EXOC4: variants seen among roughly 807,000 people sequenced by gnomAD.
EXOC4 encodes exocyst complex component 4.
Under a neutral mutation model 107.2 loss-of-function variants are expected in EXOC4, and 71 were observed. That is an observed-to-expected ratio of 0.66 (90% CI 0.55 to 0.81). EXOC4 has a LOEUF of 0.81. Ranked by LOEUF, EXOC4 falls within the 30% of genes least tolerant of loss-of-function variation. The pLI is 0.00. For synonymous variants in EXOC4, 456 were observed against 441.2 expected, an observed-to-expected ratio of 1.03 and a Z score of -0.42; for missense variants, 1,108 against 1,189.6, an observed-to-expected ratio of 0.93 and a Z score of 1.01.
At chr7:133,658,010 G>C (rs1429188620) in intron 10 of EXOC4, among the ~76,000 whole-genome samples, 1 of 152,130 alleles carries the variant, frequency 6.6e-6, no homozygotes, top group Non-Finnish European at 1.5e-5. Flanking sequence ...GGTACCAAAA[G>C]GATGGGAGAG....
chr7:133,981,106 T>C (rs1206349379), intron 14 of EXOC4, among the ~76,000 whole-genome samples: 1 of 152,198 alleles, frequency 6.6e-6, no homozygotes, highest in Non-Finnish European at 1.5e-5. Flanking sequence ...ATGTGTCAAC[T>C]AGTTAATTCT....
the EXOC4 span, among the ~76,000 whole-genome samples, chr7:134,086,677 G>A: frequency 6.6e-6 from 1 of 152,110 alleles, no homozygotes; most frequent in Non-Finnish European, 1.5e-5. Context: ...CCCCAAGAGA[G>A]GGTTCTTGGG....
At chr7:133,700,643 A>G (rs967006759) in intron 10 of EXOC4, among the ~76,000 whole-genome samples, 4 of 152,208 alleles carry the variant, frequency 2.6e-5, no homozygotes, top group Admixed American at 6.5e-5. Flanking sequence ...TGTATATGTC[A>G]GATCATACTA....
chr7:133,929,494 A>G (rs1216365157), intron 13 of EXOC4, among the ~76,000 whole-genome samples: 1 of 151,926 alleles, frequency 6.6e-6, no homozygotes, highest in African/African-American at 2.4e-5. Context: ...AAAATGGATC[A>G]TCTTAAGCCA....
chr7:134,047,575 G>A (rs1185056463), intron 17 of EXOC4, among the ~76,000 whole-genome samples: 1 of 151,918 alleles, frequency 6.6e-6, no homozygotes, highest in Non-Finnish European at 1.5e-5. Context: ...CTCCTGCTAT[G>A]TAACAGTGAC....
intron 1 of EXOC4, among the ~76,000 whole-genome samples, chr7:133,255,867 A>G (rs1470665197): frequency 6.6e-6 from 1 of 152,132 alleles, no homozygotes; most frequent in Non-Finnish European, 1.5e-5. Flanking sequence ...AGAACCAGGA[A>G]TGTATGTTTC....
chr7:133,982,045 C>T (rs932942671), intron 14 of EXOC4, among the ~76,000 whole-genome samples: 2 of 152,130 alleles, frequency 1.3e-5, no homozygotes, highest in Non-Finnish European at 2.9e-5. Flanking sequence ...TGAGTGGGAG[C>T]TAAATGATGA....
chr7:133,734,383 C>A (rs770622559), intron 10 of EXOC4, among the ~76,000 whole-genome samples: 6 of 150,826 alleles, frequency 4.0e-5, no homozygotes, highest in East Asian at 1.9e-4. Flanking sequence ...CAGGACCTGG[C>A]AGAATGTAAA....
intron 17 of EXOC4, among the ~76,000 whole-genome samples, chr7:134,027,500 A>G (rs1247760400): frequency 6.6e-6 from 1 of 152,044 alleles, no homozygotes; most frequent in African/African-American, 2.4e-5. Context: ...TCTACTGAAA[A>G]TACAAAAATT....
chr7:133,986,949 C>T (rs1371209995), intron 14 of EXOC4, among the ~76,000 whole-genome samples: 1 of 152,158 alleles, frequency 6.6e-6, no homozygotes, highest in Non-Finnish European at 1.5e-5. Flanking sequence ...GGAGGGGCTC[C>T]TGTCACTGTC....
chr7:133,467,498 A>T (rs1190133171), intron 7 of EXOC4, among the ~76,000 whole-genome samples: 1 of 151,086 alleles, frequency 6.6e-6, no homozygotes, highest in Non-Finnish European at 1.5e-5. Flanking sequence ...CAGCATATTT[A>T]TCACCATTTC....
At chr7:133,605,641 G>T (rs1172698555) in intron 9 of EXOC4, among the ~76,000 whole-genome samples, 1 of 152,218 alleles carries the variant, frequency 6.6e-6, no homozygotes, top group Non-Finnish European at 1.5e-5. Context: ...AGGTGGGTCA[G>T]AGTTTGTTTT....
At chr7:133,885,772 A>C (rs138611296) in intron 11 of EXOC4, among the ~76,000 whole-genome samples, 2,148 of 152,318 alleles carry the variant, frequency 0.014, 60 homozygotes, top group African/African-American at 0.049. Flanking sequence ...AGCCTGGTGC[A>C]GGCAAGGAGT....
chr7:134,007,014 A>G (rs1469331973), intron 16 of EXOC4, among the ~76,000 whole-genome samples: 1 of 152,184 alleles, frequency 6.6e-6, no homozygotes. Context: ...CAGGTGTCTC[A>G]CGGGAAGTCA....
At chr7:133,669,220 T>G (rs1236996758) in intron 10 of EXOC4, among the ~76,000 whole-genome samples, 4 of 151,970 alleles carry the variant, frequency 2.6e-5, no homozygotes, top group African/African-American at 9.7e-5. Context: ...TCGAGCTGTC[T>G]CTGGTGGATG....
rs199945498 is a variant in EXOC4 at position 133,697,642 on chromosome 7, C to T, written c.1514+67501C>T. 1.8e-4 allele frequency among the ~76,000 whole-genome samples: 27 copies of T among 152,252 alleles called. 1 individual carries two copies. In the East Asian group the frequency reaches 4.3e-3, roughly 24 times the overall value. ...TATGGGGACCACTGCGATGGGGCCT[C>T]GCAGTGTGGGAGAGAGATTGGGCTC... is the stretch of plus-strand genomic sequence containing the variant. On this transcript the variant is annotated intron_variant, in intron 10 of 17. Coordinates refer to ENST00000253861, the MANE Select transcript of EXOC4 (RefSeq NM_021807.4).
intron 9 of EXOC4, among the ~76,000 whole-genome samples, chr7:133,627,940 A>G (rs1240856154): frequency 1.3e-5 from 2 of 152,288 alleles, no homozygotes; most frequent in Admixed American, 6.5e-5. Flanking sequence ...GATCCAGGGT[A>G]TGGATTTCTG....
rs1299511258 is a variant in EXOC4 at position 133,823,897 on chromosome 7, A to ATATATAT, written c.1734+6354_1734+6360dup. 5.7e-4 allele frequency among the ~76,000 whole-genome samples: 15 copies of ATATATAT among 26,394 alleles called. No individual in the cohort carries two copies. The African/African-American group carries it at 6.7e-3, about 12-fold the overall frequency. 17.3% of individuals were successfully genotyped at this position (26,394 alleles called of 152,430 possible). On this transcript the variant is annotated intron_variant, in intron 11 of 17. Coordinates refer to ENST00000253861, the MANE Select transcript of EXOC4 (RefSeq NM_021807.4). The stretch of plus-strand genomic sequence containing the variant: ...TTATATATATATATATATATATTTT[A>ATATATAT]TATATATATATATAAATATATATAT...
intron 6 of EXOC4, among the ~76,000 whole-genome samples, chr7:133,372,506 A>G (rs1796399157): frequency 6.6e-6 from 1 of 151,966 alleles, no homozygotes; most frequent in South Asian, 2.1e-4. Context: ...ATGTTAATAG[A>G]TACTGTGAAT....
Sources: allele counts gnomAD v4.1 joint callset (sites outside exome capture counted in the v4.1 genomes callset), GRCh38; gene constraint gnomAD v4.1.1; transcripts MANE v1.5; gene names NCBI Gene and HGNC (gene_info 2026-07-23, HGNC 2026-07-21).